The following CCDC91 variants were observed in gnomAD, a reference collection of about 807,000 sequenced individuals.
The protein encoded by CCDC91 is coiled-coil domain containing 91.
Under a neutral mutation model 63.2 loss-of-function variants are expected in CCDC91, and 48 were observed. That is an observed-to-expected ratio of 0.76 (90% confidence interval 0.60 to 0.97). The LOEUF (loss-of-function observed/expected upper bound fraction) is 0.97, where lower values mean the gene tolerates loss of function less well. CCDC91 is among the 50% of genes least tolerant of loss of function. The pLI is 0.00. For synonymous variants in CCDC91, 167 were observed against 165.8 expected, an observed-to-expected ratio of 1.01 and a Z score of -0.06; for missense variants, 500 against 494.6, an observed-to-expected ratio of 1.01 and a Z score of -0.10.
rs537549369 is a variant in CCDC91, at chr12:28,374,156, A to G, written c.654+11641A>G. On this transcript the variant is annotated intron_variant, in intron 7 of 12. Transcript: ENST00000536442. ...CTCATATTGCCATTCCAGAAGTTCC[A>G]CCCCCCTTTCCTTGTTTTTTAATCC... Among the ~76,000 whole-genome samples the G allele has an allele frequency of 2.6e-5, 4 of 151,526 alleles. 1 individual carries two copies. In the South Asian group the frequency reaches 8.3e-4, roughly 32 times the overall value.
chr12:28,452,523 G>T lies in CCDC91; in HGVS notation c.970G>T (p.Glu324Ter). 6.3e-7 allele frequency: 1 copy of T among 1,585,810 alleles called. No homozygotes were observed. Among genetic ancestry groups the T allele is most frequent in the Non-Finnish European group, 8.6e-7 (1 of 1,166,454 alleles). ...VKDAVLKVVE[E>*]ERKNLEKAHA... ...GGATGCAGTTTTAAAAGTCGTAGAA[G>T]AAGAAAGAAAAAATTTAGAAAAAGC... The change falls in exon 11 of 13, where the codon GAA (glutamate) becomes TAA (stop). Residue 324 changes from glutamate (E) to a stop codon, truncating the protein, a stop_gained. Coordinates refer to ENST00000536442, the MANE Select transcript of CCDC91 (RefSeq NM_018318.5). LOFTEE classifies it high-confidence loss of function.
At chr12:28,476,073 C>T (rs1000245575) in intron 11 of CCDC91, among the ~76,000 whole-genome samples, 9 of 151,946 alleles carry the variant, frequency 5.9e-5, no homozygotes, top group Non-Finnish European at 8.8e-5. Context: ...ATCACTCTAC[C>T]CATACTACTG....
At chr12:28,376,181 C>A (rs978681342) in intron 7 of CCDC91, among the ~76,000 whole-genome samples, 2 of 151,706 alleles carry the variant, frequency 1.3e-5, no homozygotes, top group African/African-American at 2.4e-5. Context: ...ATTGTCCTAT[C>A]TTTTTATATT....
intron 6 of CCDC91, among the ~76,000 whole-genome samples, chr12:28,361,074 A>G (rs1457983375): frequency 1.3e-5 from 2 of 151,562 alleles, no homozygotes; most frequent in African/African-American, 4.8e-5. Context: ...TCATTTTTAG[A>G]AATATTTATA....
intron 11 of CCDC91, among the ~76,000 whole-genome samples, chr12:28,454,455 C>T (rs78159561): frequency 0.011 from 1,713 of 152,192 alleles, 36 homozygotes; most frequent in African/African-American, 0.04. Context: ...AAGCCAGTCT[C>T]CCAGGAGCCC....
At chr12:28,246,888 T>C (rs898356222) in intron 1 of CCDC91, among the ~76,000 whole-genome samples, 1 of 152,170 alleles carries the variant, frequency 6.6e-6, no homozygotes, top group African/African-American at 2.4e-5. Flanking sequence ...GATAATACTA[T>C]TGACTGAAAA....
chr12:28,430,842 A>G (rs1387957243), intron 8 of CCDC91, among the ~76,000 whole-genome samples: 3 of 152,004 alleles, frequency 2.0e-5, no homozygotes, highest in African/African-American at 4.8e-5. Context: ...CCTTCTCCCC[A>G]TGCTTTTCTT....
chr12:28,267,856 T>TA (rs1414995252), intron 3 of CCDC91, among the ~76,000 whole-genome samples: 20 of 44,126 alleles, frequency 4.5e-4, no homozygotes, highest in Admixed American at 1.8e-3. Flanking sequence ...TATATAGTAA[T>TA]ATATAATTAT....
chr12:28,342,200 A>G (rs1219914184), intron 6 of CCDC91, among the ~76,000 whole-genome samples: 1 of 152,144 alleles, frequency 6.6e-6, no homozygotes, highest in African/African-American at 2.4e-5. Flanking sequence ...TCAACAGTTC[A>G]AATTAAGAAA....
intron 1 of CCDC91, among the ~76,000 whole-genome samples, chr12:28,198,639 A>T (rs1403470080): frequency 6.6e-6 from 1 of 152,160 alleles, no homozygotes; most frequent in African/African-American, 2.4e-5. Flanking sequence ...TTTTCATGAG[A>T]TATTTAGATA....
chr12:28,348,825 G>C (rs1395347568), intron 6 of CCDC91, among the ~76,000 whole-genome samples: 2 of 152,110 alleles, frequency 1.3e-5, no homozygotes, highest in Non-Finnish European at 1.5e-5. Context: ...CCAGGCTCAA[G>C]CGATTCTCCC....
At chr12:28,406,399 G>A (rs186933787) in intron 8 of CCDC91, among the ~76,000 whole-genome samples, 4 of 152,096 alleles carry the variant, frequency 2.6e-5, no homozygotes, top group Admixed American at 1.3e-4. Flanking sequence ...TAGCTAGGTC[G>A]TATGATCAAA....
At chr12:28,372,575 G>A (rs1944687043) in intron 7 of CCDC91, among the ~76,000 whole-genome samples, 1 of 149,490 alleles carries the variant, frequency 6.7e-6, no homozygotes, top group Non-Finnish European at 1.5e-5. Context: ...GTATATTCCT[G>A]GGTATTTAAA....
chr12:28,446,187 G>T (rs1201810576), intron 8 of CCDC91, among the ~76,000 whole-genome samples: 2 of 152,094 alleles, frequency 1.3e-5, no homozygotes, highest in Admixed American at 6.5e-5. Context: ...AGAGACTGGA[G>T]AATTTTTTTC....
chr12:28,204,475 T>G (rs1202335955), intron 1 of CCDC91, among the ~76,000 whole-genome samples: 5 of 152,200 alleles, frequency 3.3e-5, no homozygotes, highest in Non-Finnish European at 2.9e-5. Context: ...ATGATATATT[T>G]CATCATTCAG....
At chr12:28,546,962 C>T (rs1230805840) in intron 12 of CCDC91, among the ~76,000 whole-genome samples, 3 of 152,020 alleles carry the variant, frequency 2.0e-5, no homozygotes, top group Admixed American at 2.0e-4. Context: ...ACTTACATGT[C>T]TGTCAATGGG....
intron 1 of CCDC91, among the ~76,000 whole-genome samples, chr12:28,203,965 T>C (rs1340805253): frequency 6.6e-6 from 1 of 152,160 alleles, no homozygotes; most frequent in East Asian, 1.9e-4. Flanking sequence ...TGGAATTTCC[T>C]AGTTAAAAAA....
chr12:28,446,739 A>G (rs1949520727), intron 8 of CCDC91, among the ~76,000 whole-genome samples: 3 of 152,210 alleles, frequency 2.0e-5, no homozygotes, highest in Non-Finnish European at 4.4e-5. Context: ...TGCTGGGTTT[A>G]CATATGTGAG....
At chr12:28,408,869 C>T (rs1947137989) in intron 8 of CCDC91, among the ~76,000 whole-genome samples, 1 of 152,098 alleles carries the variant, frequency 6.6e-6, no homozygotes, top group Non-Finnish European at 1.5e-5. Flanking sequence ...TCTCGAACTC[C>T]TGACCTCAAG....
Sources: gnomAD v4.1 joint callset for allele counts (sites outside exome capture counted in the v4.1 genomes callset) on GRCh38, gnomAD v4.1.1 for gene constraint, MANE v1.5 for transcripts, NCBI Gene and HGNC (gene_info 2026-07-23, HGNC 2026-07-21) for gene names.